The following CTNND2 variants were observed in gnomAD, a reference collection of about 807,000 sequenced individuals.
The protein encoded by CTNND2 is catenin delta 2, also known as catenin delta-2.
A neutral mutation model predicts 144.4 loss-of-function variants in CTNND2; 22 were observed. That is an observed-to-expected ratio of 0.15 (90% confidence interval 0.11 to 0.22). The LOEUF is 0.22. CTNND2 is among the 10% of genes least tolerant of loss of function. CTNND2 has a pLI of 1.00. For synonymous variants in CTNND2, 751 were observed against 695.6 expected (o/e 1.08, Z -1.25); for missense variants, 1,353 against 1,618.8 (o/e 0.84, Z 2.82).
intron 7 of CTNND2, among the ~76,000 whole-genome samples, chr5:11,378,655 T>G (rs565007193): frequency 6.6e-6 from 1 of 152,170 alleles, no homozygotes; most frequent in Non-Finnish European, 1.5e-5. Context: ...GAGCCAGATA[T>G]CATGTTGCAT....
At chr5:11,322,826 T>C (rs910824135) in intron 9 of CTNND2, among the ~76,000 whole-genome samples, 2 of 152,054 alleles carry the variant, frequency 1.3e-5, no homozygotes, top group Admixed American at 6.6e-5. Flanking sequence ...TTTAAAGAGA[T>C]TGTATGTATA....
At chr5:11,042,706 T>C (rs1399483597) in intron 16 of CTNND2, among the ~76,000 whole-genome samples, 1 of 152,234 alleles carries the variant, frequency 6.6e-6, no homozygotes, top group African/African-American at 2.4e-5. Flanking sequence ...TTTAGGTCAC[T>C]GGTTCACCAG....
In CTNND2 at chr5:11,732,119, A is replaced by C; in HGVS notation, c.174+17T>G. 1 of 1,601,872 alleles carries C rather than the reference A, an allele frequency of 6.2e-7. No homozygotes were observed. Among genetic ancestry groups the C allele is most frequent in the South Asian group, 1.1e-5 (1 of 90,102 alleles). ...AATGTCCCCAAACGCATATCACAAA[A>C]ATGGGAATGTTTCTACCTGTTCTTT... On this transcript the variant is annotated intron_variant, in intron 2 of 21. Coordinates refer to ENST00000304623, the MANE Select transcript of CTNND2 (RefSeq NM_001332.4).
chr5:11,025,018 C>T (rs1742673038), intron 16 of CTNND2, among the ~76,000 whole-genome samples: 1 of 152,174 alleles, frequency 6.6e-6, no homozygotes, highest in African/African-American at 2.4e-5. Context: ...ATTTAACTTA[C>T]CCCAACTTTA....
In CTNND2 at chr5:11,149,846, C is replaced by T. The variant is rs145568839; in HGVS notation, c.2159+9730G>A. Among the ~76,000 whole-genome samples the T allele has an allele frequency of 3.9e-5, 6 of 152,294 alleles. No individual in the cohort carries two copies. In the East Asian group the frequency reaches 1.2e-3, roughly 29 times the overall value. On this transcript the variant is annotated intron_variant, in intron 12 of 21. Transcript: ENST00000304623. ...CTGTTGGAGGCAAGAACATGCTGAC[C>T]AAGCATGAAACCTGGACAGGGCTGT...
chr5:11,683,372 T>C (rs1450206796), intron 2 of CTNND2, among the ~76,000 whole-genome samples: 1 of 152,354 alleles, frequency 6.6e-6, no homozygotes, highest in Non-Finnish European at 1.5e-5. Flanking sequence ...ATAGGCTTCA[T>C]TACTCCAAAC....
At chr5:11,585,540 T>C (rs1157166209) in intron 2 of CTNND2, among the ~76,000 whole-genome samples, 1 of 149,456 alleles carries the variant, frequency 6.7e-6, no homozygotes, top group Non-Finnish European at 1.5e-5. Flanking sequence ...TTCTCATTTG[T>C]TTGTTCAGTA....
At chr5:11,654,810 T>C (rs1782827329) in intron 2 of CTNND2, among the ~76,000 whole-genome samples, 1 of 152,052 alleles carries the variant, frequency 6.6e-6, no homozygotes, top group Admixed American at 6.6e-5. Context: ...ATGGGCATCC[T>C]TGTCTTGTGT....
chr5:11,868,138 G>A (rs563730811), intron 1 of CTNND2, among the ~76,000 whole-genome samples: 8 of 151,966 alleles, frequency 5.3e-5, no homozygotes, highest in Admixed American at 1.3e-4. Context: ...AAGCAGTGAC[G>A]CATGCGCAGG....
At chr5:11,365,340 G>T (rs1177858447) in intron 7 of CTNND2, among the ~76,000 whole-genome samples, 1 of 152,176 alleles carries the variant, frequency 6.6e-6, no homozygotes, top group East Asian at 1.9e-4. Context: ...AAGTGAACTA[G>T]AAATTGTTCC....
At chr5:11,082,316 C>T (rs1749659517) in intron 16 of CTNND2, among the ~76,000 whole-genome samples, 1 of 152,110 alleles carries the variant, frequency 6.6e-6, no homozygotes, top group African/African-American at 2.4e-5. Flanking sequence ...GGCTAGTGGT[C>T]TCATCCAAAA....
At chr5:11,688,035 G>A (rs1054716340) in intron 2 of CTNND2, among the ~76,000 whole-genome samples, 6 of 152,270 alleles carry the variant, frequency 3.9e-5, no homozygotes, top group Middle Eastern at 3.4e-3. Context: ...TTGCCTGGGC[G>A]AGTGATAATG....
intron 1 of CTNND2, among the ~76,000 whole-genome samples, chr5:11,742,254 T>C (rs1294880718): frequency 6.6e-6 from 1 of 152,182 alleles, no homozygotes; most frequent in East Asian, 1.9e-4. Context: ...TTGTTTCCCG[T>C]CCTGTTCCTT....
At chr5:11,281,256 G>A (rs906864409) in intron 9 of CTNND2, among the ~76,000 whole-genome samples, 9 of 152,192 alleles carry the variant, frequency 5.9e-5, no homozygotes, top group Non-Finnish European at 1.2e-4. Flanking sequence ...GAAAGGCTAA[G>A]CATGTTTACA....
At chr5:11,481,482 A>G (rs1461291287) in intron 3 of CTNND2, among the ~76,000 whole-genome samples, 3 of 152,168 alleles carry the variant, frequency 2.0e-5, no homozygotes, top group Non-Finnish European at 4.4e-5. Flanking sequence ...GCAGGCCTAT[A>G]GTGCCAGCTA....
chr5:11,421,805 C>T (rs1320710584), intron 3 of CTNND2, among the ~76,000 whole-genome samples: 3 of 152,112 alleles, frequency 2.0e-5, no homozygotes, highest in Admixed American at 6.5e-5. Flanking sequence ...GGTAAGGGCA[C>T]AAGTAGGTAA....
At chr5:11,525,281 CTT>C (rs1013586469) in intron 3 of CTNND2, among the ~76,000 whole-genome samples, 25 of 152,150 alleles carry the variant, frequency 1.6e-4, no homozygotes, top group African/African-American at 5.8e-4. Flanking sequence ...GAAACCGCCT[CTT>C]TGTGTAGTCC....
intron 10 of CTNND2, among the ~76,000 whole-genome samples, chr5:11,219,245 T>C (rs1739533358): frequency 6.6e-6 from 1 of 152,186 alleles, no homozygotes; most frequent in Non-Finnish European, 1.5e-5. Flanking sequence ...ACTTCAACTA[T>C]TAATCCTCCC....
intron 9 of CTNND2, among the ~76,000 whole-genome samples, chr5:11,273,889 C>T (rs1356856109): frequency 2.0e-5 from 3 of 152,162 alleles, no homozygotes; most frequent in Non-Finnish European, 4.4e-5. Context: ...AGATGTTTTG[C>T]TCTTTGAGAT....
Sources: allele counts gnomAD v4.1 joint callset (sites outside exome capture counted in the v4.1 genomes callset), GRCh38; gene constraint gnomAD v4.1.1; transcripts MANE v1.5; gene names NCBI Gene and HGNC (gene_info 2026-07-23, HGNC 2026-07-21).